The following PCDH15 variants were observed in gnomAD, a reference collection of about 807,000 sequenced individuals.
PCDH15 encodes the protein protocadherin-15.
A neutral mutation model predicts 178.5 loss-of-function variants in PCDH15; 129 were observed. The observed-to-expected ratio is 0.72, with a 90% CI of 0.63 to 0.84. The LOEUF (loss-of-function observed/expected upper bound fraction) is 0.84. PCDH15 is among the 40% of genes least tolerant of loss of function. The probability of loss-of-function intolerance (pLI) is 0.00; values close to 1 mark genes in which losing one functional copy is unlikely to be tolerated. For synonymous variants in PCDH15, 800 were observed against 732.0 expected (o/e 1.09, Z -1.50); for missense variants, 2,230 against 2,099.9 (o/e 1.06, Z -1.21).
At chr10:54,218,453 T>C (rs190996916) in intron 9 of PCDH15, among the ~76,000 whole-genome samples, 4,940 of 152,248 alleles carry the variant, frequency 0.032, 116 homozygotes, top group Middle Eastern at 0.071. Context: ...GGTAATCAGA[T>C]TAAATGAGTC....
chr10:54,116,831 A>T (rs757924379), intron 15 of PCDH15, among the ~76,000 whole-genome samples: 14 of 152,222 alleles, frequency 9.2e-5, no homozygotes, highest in Non-Finnish European at 1.6e-4. Flanking sequence ...CTAACAGTTA[A>T]AATGGCTTTC....
intron 3 of PCDH15, among the ~76,000 whole-genome samples, chr10:54,464,211 C>G (rs1336578660): frequency 6.6e-6 from 1 of 152,050 alleles, no homozygotes; most frequent in East Asian, 1.9e-4. Flanking sequence ...TTTAGTCTCT[C>G]CATTTATGAG....
Position 54,153,022 on chromosome 10 carries a change from C to T in PCDH15, c.1784+78G>A, listed in dbSNP as rs11004100. The T allele has an allele frequency of 2.1e-3, 3,182 of 1,484,748 alleles. 9 individuals carry two copies. The highest frequency in any genetic ancestry group is 2.8e-3 in the Non-Finnish European group (2,978 of 1,076,798). 92.0% of individuals were successfully genotyped at this position (1,484,748 alleles called of 1,614,324 possible). The stretch of plus-strand genomic sequence containing the variant: ...TAGATGTTTATAGGATAAAAGAATA[C>T]TTGCCGCGCTTCTTAAATTTAATTA... On this transcript the variant is annotated intron_variant, in intron 14 of 37. Coordinates refer to ENST00000644397, the MANE Select transcript of PCDH15 (RefSeq NM_001384140.1).
At chr10:53,995,841 T>G in intron 20 of PCDH15, 76 bp from the exon 21 acceptor site, 1 of 1,263,656 alleles carries the variant, frequency 7.9e-7, no homozygotes, top group Non-Finnish European at 1.1e-6. Context: ...TGACTCCCAG[T>G]CTTCATATCA....
At chr10:55,514,852 G>A (rs139418872) in intron 2 of PCDH15, among the ~76,000 whole-genome samples, 1,746 of 152,104 alleles carry the variant, frequency 0.011, 9 homozygotes, top group South Asian at 0.021. Context: ...TCTATTACCT[G>A]CTTAGAGAAA....
chr10:54,779,462 G>GTGTATATATATACACATATATA (rs1950085794), intron 1 of PCDH15, among the ~76,000 whole-genome samples: 3 of 38,594 alleles, frequency 7.8e-5, no homozygotes, highest in Admixed American at 3.8e-4. Flanking sequence ...TCATATATGT[G>GTGTATATATATACACATATATA]TGTATATATA....
chr10:55,509,849 C>A (rs780649318), intron 2 of PCDH15, among the ~76,000 whole-genome samples: 2 of 151,846 alleles, frequency 1.3e-5, no homozygotes, highest in Non-Finnish European at 2.9e-5. Flanking sequence ...CTTTGAGTCA[C>A]AAATCATAGA....
intron 25 of PCDH15, among the ~76,000 whole-genome samples, chr10:53,903,946 C>T (rs1413181540): frequency 6.6e-6 from 1 of 152,040 alleles, no homozygotes; most frequent in African/African-American, 2.4e-5. Context: ...TAGAGGCTAA[C>T]ATTCATTGAA....
chr10:54,240,622 T>C (rs2055146214), intron 8 of PCDH15, among the ~76,000 whole-genome samples: 1 of 133,496 alleles, frequency 7.5e-6, no homozygotes, highest in Non-Finnish European at 1.6e-5. Flanking sequence ...TTTATTTTCT[T>C]TTGCTTTTTT....
At chr10:54,714,843 A>C (rs762293248) in intron 1 of PCDH15, among the ~76,000 whole-genome samples, 1 of 152,148 alleles carries the variant, frequency 6.6e-6, no homozygotes, top group African/African-American at 2.4e-5. Context: ...TATTCACTTA[A>C]TGTTATAATT....
chr10:54,553,373 G>C (rs2086826575), intron 2 of PCDH15, among the ~76,000 whole-genome samples: 1 of 152,126 alleles, frequency 6.6e-6, no homozygotes. Context: ...TCTCAACTTT[G>C]GTCACTGTCA....
intron 1 of PCDH15, among the ~76,000 whole-genome samples, chr10:54,675,476 T>C (rs1304709395): frequency 7.0e-6 from 1 of 142,206 alleles, no homozygotes; most frequent in East Asian, 2.0e-4. Context: ...TTTTTTTTTT[T>C]CAATCTGATC....
chr10:54,541,149 T>G (rs1171878287), intron 2 of PCDH15, among the ~76,000 whole-genome samples: 1 of 152,132 alleles, frequency 6.6e-6, no homozygotes. Context: ...GACATAGTAC[T>G]AGAAGTCCTA....
At chr10:54,078,148 A>G (rs12244351) in intron 17 of PCDH15, among the ~76,000 whole-genome samples, 2,762 of 152,226 alleles carry the variant, frequency 0.018, 80 homozygotes, top group African/African-American at 0.06. Flanking sequence ...CTAAGTACCT[A>G]TTATCCTCAC....
intron 25 of PCDH15, among the ~76,000 whole-genome samples, chr10:53,905,959 G>C (rs1353024559): frequency 6.6e-6 from 1 of 151,854 alleles, no homozygotes; most frequent in South Asian, 2.1e-4. Context: ...AAAATCTCAA[G>C]AACATTGTTT....
At chr10:55,055,830 AAAAG>A (rs1042177322) in intron 2 of PCDH15, among the ~76,000 whole-genome samples, 1 of 152,146 alleles carries the variant, frequency 6.6e-6, no homozygotes, top group Non-Finnish European at 1.5e-5. Context: ...AATAAAAAAG[AAAAG>A]AAAGAAAGAA....
chr10:54,331,762 G>A (rs190352271), intron 6 of PCDH15, among the ~76,000 whole-genome samples: 364 of 152,042 alleles, frequency 2.4e-3, no homozygotes, highest in Admixed American at 6.0e-3. Context: ...CACATCTCTG[G>A]ACTCAGAACC....
chr10:53,850,941 C>T (rs943341101), intron 28 of PCDH15, among the ~76,000 whole-genome samples: 4 of 152,050 alleles, frequency 2.6e-5, no homozygotes, highest in Non-Finnish European at 5.9e-5. Context: ...CCATATTGAA[C>T]AGATGGGTCT....
At chr10:54,671,184 A>G (rs1362336592) in intron 1 of PCDH15, among the ~76,000 whole-genome samples, 2 of 152,192 alleles carry the variant, frequency 1.3e-5, no homozygotes, top group African/African-American at 4.8e-5. Context: ...TTAATGCTCA[A>G]GCAAACGCAT....
Sources: gnomAD v4.1 joint callset for allele counts (sites outside exome capture counted in the v4.1 genomes callset) on GRCh38, gnomAD v4.1.1 for gene constraint, MANE v1.5 for transcripts, NCBI Gene and HGNC (gene_info 2026-07-23, HGNC 2026-07-21) for gene names.